Variants in NRBF2 observed in about 807,000 individuals in gnomAD.
NRBF2 encodes the protein nuclear receptor-binding factor 2.
Under a neutral mutation model 28.5 loss-of-function variants are expected in NRBF2, and 12 were observed. That is an observed-to-expected ratio of 0.42 (90% confidence interval 0.27 to 0.68). The LOEUF is 0.68. Ranked by LOEUF, NRBF2 falls within the 30% of genes least tolerant of loss-of-function variation. NRBF2 has a pLI of 0.24. For missense variants in NRBF2, 274 were observed against 333.5 expected, an observed-to-expected ratio of 0.82 and a Z score of 1.39; for synonymous variants, 102 against 116.5, an observed-to-expected ratio of 0.88 and a Z score of 0.80.
At chr10:63,140,957 C>T (rs2132681366) in intron 1 of NRBF2, among the ~76,000 whole-genome samples, 1 of 152,144 alleles carries the variant, frequency 6.6e-6, no homozygotes, top group East Asian at 1.9e-4. Flanking sequence ...CCTCGGCCTC[C>T]CAAAGTGCTG....
At chr10:63,144,473 G>A (rs1447404062) in intron 1 of NRBF2, among the ~76,000 whole-genome samples, 3 of 149,792 alleles carry the variant, frequency 2.0e-5, no homozygotes, top group Non-Finnish European at 4.4e-5. Context: ...GGAGTGGAGT[G>A]GCGCGATCTC....
chr10:63,139,832 G>A (rs1589016785), intron 1 of NRBF2, among the ~76,000 whole-genome samples: 1 of 152,062 alleles, frequency 6.6e-6, no homozygotes, highest in East Asian at 1.9e-4. Context: ...GTATCCAGAC[G>A]ACAAGGTAAT....
chr10:63,148,633 C>T (rs564476155), intron 2 of NRBF2, among the ~76,000 whole-genome samples: 29 of 152,230 alleles, frequency 1.9e-4, no homozygotes, highest in South Asian at 6.2e-4. Flanking sequence ...AAAAACTTAC[C>T]GTGAGATTAC....
intron 3 of NRBF2, 40 bp downstream of exon 3, chr10:63,152,230 G>A: frequency 1.3e-6 from 2 of 1,548,946 alleles, no homozygotes; most frequent in Non-Finnish European, 1.8e-6. Context: ...GGGTTAGAAA[G>A]GTTTTCTTGT....
intron 2 of NRBF2, among the ~76,000 whole-genome samples, chr10:63,146,667 T>A (rs543362066): frequency 6.0e-4 from 91 of 152,334 alleles, no homozygotes; most frequent in African/African-American, 2.2e-3. Context: ...TCCAACCAAT[T>A]CATTTTCACT....
chr10:63,153,176 T>C (rs1407199277), intron 3 of NRBF2, among the ~76,000 whole-genome samples: 2 of 152,228 alleles, frequency 1.3e-5, no homozygotes, highest in Admixed American at 6.5e-5. Context: ...AATCTGCTCA[T>C]GATACAGGCA....
rs932495308 is a variant in NRBF2 at position 63,143,770 on chromosome 10, T to G, written c.31-2439T>G. ...CCCGATTTTTTTTTTTTTTTTTTTT[T>G]GAGACAAGATCTCACTCTGTTGCCC... On this transcript the variant is annotated intron_variant, in intron 1 of 3. Transcript: ENST00000277746. 6.6e-4 allele frequency among the ~76,000 whole-genome samples: 80 copies of G among 121,050 alleles called. 1 individual carries two copies. The highest frequency in any genetic ancestry group is 1.1e-3 in the Non-Finnish European group (64 of 56,124). The allele number at this position is 121,050 out of a possible 152,430, so 79.4% of individuals were successfully genotyped here.
At chr10:63,151,120 T>C (rs1160629202) in intron 2 of NRBF2, among the ~76,000 whole-genome samples, 1 of 152,198 alleles carries the variant, frequency 6.6e-6, no homozygotes, top group Non-Finnish European at 1.5e-5. Flanking sequence ...TGGTAGAACC[T>C]AGCAGGCAAG....
intron 2 of NRBF2, 98 bp from the exon 3 acceptor site, chr10:63,152,051 AG>A: frequency 1.2e-6 from 1 of 820,074 alleles, no homozygotes; most frequent in East Asian, 2.6e-5. Context: ...TTATCAGACC[AG>A]TTCTCTTTGT....
intron 1 of NRBF2, among the ~76,000 whole-genome samples, chr10:63,145,101 CTTTTTTT>C (rs34823556): frequency 7.0e-5 from 6 of 85,910 alleles, no homozygotes; most frequent in East Asian, 4.2e-4. Context: ...TATATTAAAG[CTTTTTTT>C]TTTTTTTTTT....
chr10:63,146,151 G>T lies in NRBF2; in HGVS notation c.31-58G>T, dbSNP rs957799624. On this transcript the variant is annotated intron_variant, in intron 1 of 3. Coordinates refer to ENST00000277746, the MANE Select transcript of NRBF2 (RefSeq NM_030759.5). ...TCTTCTTAAAAGGTAGTTGCTTTTT[G>T]AAAGAAATCATGTTTTATTTTATGA... 4 of 1,399,154 alleles carry T rather than the reference G, an allele frequency of 2.9e-6. No homozygotes were observed. In the African/African-American group the frequency reaches 4.3e-5, roughly 15 times the overall value. The allele number at this position is 1,399,154 out of a possible 1,614,324, so 86.7% of individuals were successfully genotyped here.
chr10:63,145,299 C>G (rs1336322126), intron 1 of NRBF2, among the ~76,000 whole-genome samples: 1 of 152,048 alleles, frequency 6.6e-6, no homozygotes, highest in African/African-American at 2.4e-5. Flanking sequence ...TGGTCTCGAT[C>G]TCCTGACCTC....
chr10:63,142,943 G>T (rs1163259572), intron 1 of NRBF2, among the ~76,000 whole-genome samples: 1 of 151,712 alleles, frequency 6.6e-6, no homozygotes, highest in Non-Finnish European at 1.5e-5. Flanking sequence ...ACCATGCCTG[G>T]CTAATTTTTG....
intron 3 of NRBF2, among the ~76,000 whole-genome samples, chr10:63,153,109 G>GA (rs1277909264): frequency 6.6e-6 from 1 of 152,194 alleles, no homozygotes; most frequent in East Asian, 1.9e-4. Flanking sequence ...TTCTCAAACT[G>GA]AACCAAGGGA....
rs150316180 is a variant in NRBF2, at chr10:63,133,489, C to G, written c.19C>G (p.Pro7Ala). The change falls in exon 1 of 4, where the codon CCC becomes GCC. Residue 7 changes from proline (P) to alanine (A), a missense_variant. Transcript: ENST00000277746. MEVMEG[P>A]LNLAHQQSRR... ...GGGGTCTATGGAAGTAATGGAAGGACCCCTCAACCTGGTGAGTGTCCCACA... is the reference window on the plus strand; with the variant it reads ...GGGGTCTATGGAAGTAATGGAAGGAGCCCTCAACCTGGTGAGTGTCCCACA... The G allele has an allele frequency of 6.2e-7, 1 of 1,610,814 alleles. No homozygotes were observed. The highest frequency in any genetic ancestry group is 1.3e-5 in the African/African-American group (1 of 74,640).
intron 3 of NRBF2, among the ~76,000 whole-genome samples, chr10:63,152,832 A>G (rs1256640106): frequency 6.6e-6 from 1 of 152,112 alleles, no homozygotes; most frequent in Non-Finnish European, 1.5e-5. Context: ...CCCCATCTCT[A>G]CAAAAACTTA....
chr10:63,147,608 A>G lies in NRBF2; in HGVS notation c.115+1315A>G, dbSNP rs1341035693. 8.8e-5 allele frequency among the ~76,000 whole-genome samples: 11 copies of G among 124,748 alleles called. No individual in the cohort carries two copies. In the Middle Eastern group the frequency reaches 0.012, roughly 141 times the overall value. 81.8% of individuals were successfully genotyped at this position (124,748 alleles called of 152,430 possible). A position where few individuals can be genotyped will look rare whatever the true frequency, so the allele number is the denominator to read the frequency against. On this transcript the variant is annotated intron_variant, in intron 2 of 3. Transcript: ENST00000277746. ...ATTACAGGCGTTAGCCACTGCTCTC[A>G]GCCTTTTTTTTTTTTTTTTTTAAGT...
chr10:63,151,338 T>C (rs1466043119), intron 2 of NRBF2, among the ~76,000 whole-genome samples: 2 of 152,228 alleles, frequency 1.3e-5, no homozygotes, highest in Admixed American at 1.3e-4. Context: ...CCTAACCTTG[T>C]TCCCGAAAGG....
In NRBF2 at chr10:63,144,507, C is replaced by T. The variant is rs191938383; in HGVS notation, c.31-1702C>T. Among the ~76,000 whole-genome samples, 80 of 150,804 alleles carry T rather than the reference C, an allele frequency of 5.3e-4. No homozygotes were observed. In the East Asian group the frequency reaches 0.014, roughly 26 times the overall value. On this transcript the variant is annotated intron_variant, in intron 1 of 3. Coordinates refer to ENST00000277746, the MANE Select transcript of NRBF2 (RefSeq NM_030759.5). Reference sequence around the variant, plus strand: ...TCGGCTCACTGCAAGCTCTGCCTTCCGGGTTCACGCTATTCTCCTGCCTCA... The same window carrying T: ...TCGGCTCACTGCAAGCTCTGCCTTCTGGGTTCACGCTATTCTCCTGCCTCA...
Sources: allele counts gnomAD v4.1 joint callset (sites outside exome capture counted in the v4.1 genomes callset), GRCh38; gene constraint gnomAD v4.1.1; transcripts MANE v1.5; gene names NCBI Gene and HGNC (gene_info 2026-07-23, HGNC 2026-07-21).